Variants in LRRC4C observed in about 807,000 individuals in gnomAD.
The protein encoded by LRRC4C is leucine-rich repeat-containing protein 4C.
LRRC4C carries 5 observed loss-of-function variants against 33.6 expected under a neutral mutation model. The observed-to-expected ratio is 0.15, with a 90% CI of 0.08 to 0.31. The LOEUF is 0.31. LRRC4C is among the 10% of genes least tolerant of loss of function. LRRC4C has a pLI of 1.00. For synonymous variants in LRRC4C, 329 were observed against 302.0 expected (o/e 1.09, Z -0.93); for missense variants, 560 against 796.7 (o/e 0.70, Z 3.58).
At chr11:40,589,666 A>G (rs896559965) in intron 3 of LRRC4C, among the ~76,000 whole-genome samples, 52 of 151,988 alleles carry the variant, frequency 3.4e-4, no homozygotes, top group African/African-American at 8.4e-4. Flanking sequence ...CTTTTAGGGC[A>G]GGCCTGGTGG....
chr11:40,891,761 T>C (rs1208796205), intron 2 of LRRC4C, among the ~76,000 whole-genome samples: 1 of 151,968 alleles, frequency 6.6e-6, no homozygotes, highest in African/African-American at 2.4e-5. Flanking sequence ...TGAATAGTGG[T>C]GAATATGTGG....
chr11:40,245,202 T>G (rs1049124070), intron 4 of LRRC4C, among the ~76,000 whole-genome samples: 4 of 152,186 alleles, frequency 2.6e-5, no homozygotes, highest in African/African-American at 9.6e-5. Flanking sequence ...ATTTCCTGAC[T>G]TAATTCTCAC....
intron 5 of LRRC4C, among the ~76,000 whole-genome samples, chr11:40,191,798 TA>T (rs1242226865): frequency 6.6e-6 from 1 of 151,912 alleles, no homozygotes; most frequent in Non-Finnish European, 1.5e-5. Flanking sequence ...TCATCTCTAC[TA>T]AAAATGAAAA....
At chr11:40,491,732 T>G (rs190628439) in intron 3 of LRRC4C, among the ~76,000 whole-genome samples, 48 of 152,248 alleles carry the variant, frequency 3.2e-4, no homozygotes, top group Admixed American at 2.4e-3. Context: ...ATTTAATAAC[T>G]CAAAATCAAC....
intron 2 of LRRC4C, among the ~76,000 whole-genome samples, chr11:40,907,271 T>C (rs1044262621): frequency 6.6e-6 from 1 of 152,204 alleles, no homozygotes; most frequent in South Asian, 2.1e-4. Context: ...TTCCTGTAGC[T>C]GGACACGTAG....
chr11:41,230,602 C>A (rs1405032340), intron 1 of LRRC4C, among the ~76,000 whole-genome samples: 1 of 152,000 alleles, frequency 6.6e-6, no homozygotes, highest in Non-Finnish European at 1.5e-5. Context: ...AGTTTTATTG[C>A]TTCTAGTTTT....
At chr11:41,288,467 T>A (rs1949898793) in intron 1 of LRRC4C, among the ~76,000 whole-genome samples, 1 of 151,898 alleles carries the variant, frequency 6.6e-6, no homozygotes, top group African/African-American at 2.4e-5. Context: ...CAGCAGAGAG[T>A]GTCACTAGGT....
At chr11:40,414,851 T>C (rs941845731) in intron 3 of LRRC4C, among the ~76,000 whole-genome samples, 3 of 152,112 alleles carry the variant, frequency 2.0e-5, no homozygotes, top group Non-Finnish European at 2.9e-5. Flanking sequence ...ATTGATTCTT[T>C]TTATAACTAA....
At chr11:40,419,343 T>C (rs1950441108) in intron 3 of LRRC4C, among the ~76,000 whole-genome samples, 1 of 152,088 alleles carries the variant, frequency 6.6e-6, no homozygotes, top group African/African-American at 2.4e-5. Flanking sequence ...ACAAAAACTA[T>C]GCTTAGACAA....
At chr11:40,953,234 T>G (rs377033491) in intron 1 of LRRC4C, among the ~76,000 whole-genome samples, 1 of 151,894 alleles carries the variant, frequency 6.6e-6, no homozygotes, top group East Asian at 1.9e-4. Flanking sequence ...AAGGGAGTTA[T>G]ACAAAAAAAT....
intron 1 of LRRC4C, among the ~76,000 whole-genome samples, chr11:41,204,897 A>G (rs1946537161): frequency 6.6e-6 from 1 of 152,170 alleles, no homozygotes; most frequent in African/African-American, 2.4e-5. Context: ...ACATGTATTA[A>G]AGGGGTGAGA....
At chr11:40,482,483 T>C (rs1038799549) in intron 3 of LRRC4C, among the ~76,000 whole-genome samples, 6 of 152,020 alleles carry the variant, frequency 3.9e-5, no homozygotes, top group Non-Finnish European at 7.4e-5. Flanking sequence ...TTTGTATTGT[T>C]TTTGAGATAG....
At chr11:40,729,248 T>C (rs376500947) in intron 2 of LRRC4C, among the ~76,000 whole-genome samples, 13 of 152,304 alleles carry the variant, frequency 8.5e-5, no homozygotes, top group African/African-American at 2.9e-4. Flanking sequence ...TGATGCAAAC[T>C]AGCACATGTT....
At chr11:41,169,680 C>A (rs758466117) in intron 1 of LRRC4C, among the ~76,000 whole-genome samples, 2 of 152,120 alleles carry the variant, frequency 1.3e-5, no homozygotes, top group African/African-American at 4.8e-5. Flanking sequence ...CAATACTGAT[C>A]GCACTTTAAA....
intron 1 of LRRC4C, among the ~76,000 whole-genome samples, chr11:41,334,072 A>G (rs779671608): frequency 1.3e-5 from 2 of 152,194 alleles, no homozygotes; most frequent in African/African-American, 2.4e-5. Flanking sequence ...AAGGACACAC[A>G]GCCTAGATGT....
intron 2 of LRRC4C, among the ~76,000 whole-genome samples, chr11:40,699,806 G>T (rs1945777069): frequency 6.6e-6 from 1 of 152,012 alleles, no homozygotes; most frequent in South Asian, 2.1e-4. Flanking sequence ...TAGTCTGTAG[G>T]ATATTCACAA....
At chr11:41,318,347 A>T (rs1261908359) in intron 1 of LRRC4C, among the ~76,000 whole-genome samples, 1 of 152,154 alleles carries the variant, frequency 6.6e-6, no homozygotes, top group Non-Finnish European at 1.5e-5. Context: ...CATACTACCT[A>T]TCTCTTTAAC....
chr11:41,179,028 A>G (rs1250066739), intron 1 of LRRC4C, among the ~76,000 whole-genome samples: 1 of 152,126 alleles, frequency 6.6e-6, no homozygotes, highest in African/African-American at 2.4e-5. Context: ...TATGGTTTAT[A>G]AGTAATTTGC....
chr11:40,624,086 A>G (rs1353124305), intron 3 of LRRC4C, among the ~76,000 whole-genome samples: 1 of 152,070 alleles, frequency 6.6e-6, no homozygotes, highest in African/African-American at 2.4e-5. Context: ...ATGTAAGCTC[A>G]TTCATTCAAA....
Sources: gnomAD v4.1 joint callset for allele counts (sites outside exome capture counted in the v4.1 genomes callset) on GRCh38, gnomAD v4.1.1 for gene constraint, MANE v1.5 for transcripts, NCBI Gene and HGNC (gene_info 2026-07-23, HGNC 2026-07-21) for gene names.